Variants in AP3S2 observed in about 807,000 individuals in gnomAD.
AP3S2 encodes adaptor related protein complex 3 subunit sigma 2.
AP3S2 carries 22 observed loss-of-function variants against 23.4 expected under a neutral mutation model. The observed-to-expected ratio is 0.94, with a 90% CI of 0.67 to 1.34. AP3S2 has a LOEUF of 1.34. AP3S2 is among the 40% of genes most tolerant of loss of function. AP3S2 has a pLI of 0.00. For missense variants in AP3S2, 241 were observed against 236.9 expected, an observed-to-expected ratio of 1.02 and a Z score of -0.11; for synonymous variants, 86 against 87.1, an observed-to-expected ratio of 0.99 and a Z score of 0.07.
At chr15:89,850,381 T>C (rs898484309) in intron 4 of AP3S2, among the ~76,000 whole-genome samples, 1 of 152,162 alleles carries the variant, frequency 6.6e-6, no homozygotes, top group Non-Finnish European at 1.5e-5. Flanking sequence ...GTCTTACACA[T>C]CAGATGAAAC....
intron 4 of AP3S2, among the ~76,000 whole-genome samples, chr15:89,865,273 C>A (rs1896091406): frequency 6.6e-6 from 1 of 151,982 alleles, no homozygotes; most frequent in South Asian, 2.1e-4. Context: ...TTAGCACTGG[C>A]TCCTAAGTTT....
At chr15:89,862,140 C>T (rs1330297726) in intron 4 of AP3S2, among the ~76,000 whole-genome samples, 1 of 152,090 alleles carries the variant, frequency 6.6e-6, no homozygotes, top group Non-Finnish European at 1.5e-5. Flanking sequence ...AAACTAATTT[C>T]AGTATGTGGG....
intron 3 of AP3S2, among the ~76,000 whole-genome samples, chr15:89,872,800 T>A (rs1896351705): frequency 6.6e-6 from 1 of 152,178 alleles, no homozygotes; most frequent in Non-Finnish European, 1.5e-5. Context: ...TAAAGCTTTA[T>A]CCAGTGTTTG....
intron 3 of AP3S2, 35 bp from the exon 4 acceptor site, chr15:89,871,581 A>G: frequency 6.2e-7 from 1 of 1,602,580 alleles, no homozygotes; most frequent in South Asian, 1.1e-5. Flanking sequence ...AAGAAGAGAA[A>G]TAGGAACACA....
intron 3 of AP3S2, 96 bp downstream of exon 3, chr15:89,888,415 TACTAGTATCA>T: frequency 5.6e-6 from 6 of 1,065,962 alleles, no homozygotes; most frequent in Non-Finnish European, 8.2e-6. Flanking sequence ...TGGCAACTTT[TACTAGTATCA>T]ATAAGGAGAT....
intron 4 of AP3S2, among the ~76,000 whole-genome samples, chr15:89,863,468 G>A (rs1244660274): frequency 6.6e-6 from 1 of 152,044 alleles, no homozygotes; most frequent in African/African-American, 2.4e-5. Context: ...GGTGTGTGTC[G>A]GGGAGAGACA....
At chr15:89,862,213 C>T (rs537560959) in intron 4 of AP3S2, among the ~76,000 whole-genome samples, 8 of 152,110 alleles carry the variant, frequency 5.3e-5, no homozygotes, top group Admixed American at 1.3e-4. Flanking sequence ...AGAGACATGA[C>T]AACTAAAGAC....
intron 4 of AP3S2, among the ~76,000 whole-genome samples, chr15:89,844,245 TTCTTTCTTTCTTTCTTTCTTTCTTTC>T (rs1567173798): frequency 1.7e-4 from 9 of 52,250 alleles, no homozygotes; most frequent in East Asian, 3.5e-4. Flanking sequence ...CTTTCTTTCT[TTCTTTCTTTCTTTCTTTCTTTCTTTC>T]TCTCTCTCTC....
chr15:89,871,187 A>C (rs900075838), intron 4 of AP3S2, among the ~76,000 whole-genome samples: 1 of 152,218 alleles, frequency 6.6e-6, no homozygotes, highest in Non-Finnish European at 1.5e-5. Context: ...ACCTTTGGCC[A>C]AGTAGCCAGT....
At chr15:89,881,008 A>G (rs190858754) in intron 3 of AP3S2, among the ~76,000 whole-genome samples, 40 of 152,376 alleles carry the variant, frequency 2.6e-4, no homozygotes, top group Non-Finnish European at 1.2e-4. Flanking sequence ...TACTTCAGAT[A>G]GAGTGCTAAG....
intron 3 of AP3S2, chr15:89,883,867 C>G (rs1896630837): frequency 1.3e-5 from 2 of 152,118 alleles, no homozygotes; most frequent in African/African-American, 4.8e-5. Flanking sequence ...ATCCAAAAAC[C>G]TGAAATCCAA....
intron 1 of AP3S2, among the ~76,000 whole-genome samples, chr15:89,892,166 G>A (rs1018873582): frequency 1.3e-5 from 2 of 152,140 alleles, no homozygotes; most frequent in South Asian, 2.1e-4. Context: ...TATAGGCAAC[G>A]GAATAGGCAA....
chr15:89,855,692 TA>T (rs71464495), intron 4 of AP3S2, among the ~76,000 whole-genome samples: 3 of 132,410 alleles, frequency 2.3e-5, no homozygotes, highest in South Asian at 2.6e-4. Flanking sequence ...CTACTAAAAA[TA>T]AAAAAAATTA....
Position 89,835,289 on chromosome 15 carries a change from G to A in AP3S2, c.*226C>T, listed in dbSNP as rs1227218723. 2 of 657,458 alleles carry A rather than the reference G, an allele frequency of 3.0e-6. No individual in the cohort carries two copies. Among genetic ancestry groups the A allele is most frequent in the Non-Finnish European group, 4.9e-6 (2 of 407,638 alleles). 40.7% of individuals were successfully genotyped at this position (657,458 alleles called of 1,614,324 possible). A position where few individuals can be genotyped will look rare whatever the true frequency, so the allele number is the denominator to read the frequency against. On this transcript the variant is annotated 3_prime_UTR_variant, in exon 6 of 6. Coordinates refer to ENST00000336418, the MANE Select transcript of AP3S2 (RefSeq NM_005829.5). ...CCCCTCACATCTGCAGTGGCCGTAT[G>A]CATCAGAGAACGGCATGACTGCACA... is the stretch of plus-strand genomic sequence containing the variant.
At chr15:89,856,487 T>G (rs1435949827) in intron 4 of AP3S2, among the ~76,000 whole-genome samples, 6 of 150,832 alleles carry the variant, frequency 4.0e-5, no homozygotes, top group African/African-American at 1.5e-4. Context: ...GAGCATGAGG[T>G]CAGAAGTTCA....
At position 89,867,942 on chromosome 15, in the gene AP3S2, C is replaced by T. The variant is rs1411510890; in HGVS notation, c.345+3533G>A. Among the ~76,000 whole-genome samples the T allele has an allele frequency of 1.7e-3, 256 of 147,356 alleles. 3 individuals carry two copies. Among genetic ancestry groups the T allele is most frequent in the Non-Finnish European group, 2.8e-3 (182 of 66,158 alleles). On this transcript the variant is annotated intron_variant, in intron 4 of 5. Coordinates refer to ENST00000336418, the MANE Select transcript of AP3S2 (RefSeq NM_005829.5). Reference sequence around the variant, plus strand: ...AGGTGGGGGGGGTCAGCCCCCCACCCGGCCAGCCGCCCCATCCGGCCAGCC... The same window carrying T: ...AGGTGGGGGGGGTCAGCCCCCCACCTGGCCAGCCGCCCCATCCGGCCAGCC...
chr15:89,893,886 G>A lies in AP3S2; in HGVS notation c.64C>T (p.Arg22Cys), dbSNP rs756912589. The A allele has an allele frequency of 1.9e-6, 3 of 1,551,712 alleles. No homozygotes were observed. Among genetic ancestry groups the A allele is most frequent in the Non-Finnish European group, 2.6e-6 (3 of 1,146,984 alleles). Residue 22 changes from arginine (R) to cysteine (C), a missense_variant, in exon 1 of 6, where the codon CGT becomes TGT. Physicochemically the swap from Arg to Cys is radical, Grantham distance 180. Transcript: ENST00000336418. ...TGAAGCCGGGCCGCACTCACGAAAC[G>A]CTGGTAGAAGCGGACTAGCCGTGGC... ...GKPRLVRFYQ[R>C]FPEEIQQQIV...
chr15:89,893,687 G>A, intron 1 of AP3S2, 194 bp downstream of exon 1: 1 of 580,996 alleles, frequency 1.7e-6, no homozygotes, highest in South Asian at 2.1e-5. Context: ...GCGAGAGCGG[G>A]GCAGTAGGGC....
chr15:89,837,089 G>A (rs1895211794), intron 5 of AP3S2, among the ~76,000 whole-genome samples: 5 of 152,200 alleles, frequency 3.3e-5, no homozygotes, highest in Admixed American at 3.3e-4. Context: ...GCACCATGTG[G>A]GGGTGGACTG....
Sources: gnomAD v4.1 joint callset for allele counts (sites outside exome capture counted in the v4.1 genomes callset) on GRCh38, gnomAD v4.1.1 for gene constraint, MANE v1.5 for transcripts, NCBI Gene and HGNC (gene_info 2026-07-23, HGNC 2026-07-21) for gene names.